Variants in CNTNAP2 observed in about 807,000 individuals in gnomAD.
CNTNAP2 encodes contactin-associated protein-like 2.
Under a neutral mutation model 155.2 loss-of-function variants are expected in CNTNAP2, and 98 were observed. That is an observed-to-expected ratio of 0.63 (90% CI 0.54 to 0.75). CNTNAP2 has a LOEUF of 0.75. CNTNAP2 is among the 30% of genes least tolerant of loss of function. The pLI is 0.00. For synonymous variants in CNTNAP2, 651 were observed against 631.2 expected (o/e 1.03, Z -0.47); for missense variants, 1,727 against 1,688.1 (o/e 1.02, Z -0.40).
intron 1 of CNTNAP2, among the ~76,000 whole-genome samples, chr7:146,290,682 T>C (rs951827174): frequency 6.6e-6 from 1 of 152,196 alleles, no homozygotes; most frequent in African/African-American, 2.4e-5. Flanking sequence ...CAGAAAAAAC[T>C]AGATCGAAAC....
chr7:147,370,147 G>A (rs1741888180), intron 9 of CNTNAP2, among the ~76,000 whole-genome samples: 4 of 90,786 alleles, frequency 4.4e-5, no homozygotes, highest in Admixed American at 2.1e-4. Context: ...GCATGAGAGT[G>A]TGTGCGATTT....
chr7:147,404,788 C>A (rs1422055580), intron 10 of CNTNAP2, among the ~76,000 whole-genome samples: 8 of 152,056 alleles, frequency 5.3e-5, no homozygotes, highest in African/African-American at 1.9e-4. Flanking sequence ...AGCTCAATGA[C>A]CTAAAAGTAT....
chr7:147,384,941 T>G (rs775115911), intron 9 of CNTNAP2, among the ~76,000 whole-genome samples: 2 of 152,110 alleles, frequency 1.3e-5, no homozygotes, highest in Non-Finnish European at 2.9e-5. Flanking sequence ...ACTGAGCAAT[T>G]TACAAAAGAA....
intron 13 of CNTNAP2, among the ~76,000 whole-genome samples, chr7:147,762,196 G>A (rs1221442149): frequency 8.5e-6 from 1 of 117,686 alleles, no homozygotes; most frequent in African/African-American, 3.7e-5. Context: ...CACCATTCGG[G>A]TCAACAGAAA....
intron 1 of CNTNAP2, among the ~76,000 whole-genome samples, chr7:146,643,015 T>C (rs1347635553): frequency 3.5e-5 from 5 of 143,730 alleles, no homozygotes; most frequent in African/African-American, 1.3e-4. Context: ...TTTTTGTTTT[T>C]TTCTTGTAAA....
rs1795439990 is a variant in CNTNAP2 at position 147,650,881 on chromosome 7, T to G, written c.2098+11575T>G. ...CATTTTGTATAAGACTTATAAATACTGAAAAAATCTTAACTAGTATGTCCA... is the reference window on the plus strand; with the variant it reads ...CATTTTGTATAAGACTTATAAATACGGAAAAAATCTTAACTAGTATGTCCA... On this transcript the variant is annotated intron_variant, in intron 13 of 23. Coordinates refer to ENST00000361727, the MANE Select transcript of CNTNAP2 (RefSeq NM_014141.6). 5.3e-5 allele frequency among the ~76,000 whole-genome samples: 8 copies of G among 152,282 alleles called. No individual in the cohort carries two copies. In the South Asian group the frequency reaches 1.7e-3, roughly 32 times the overall value.
intron 1 of CNTNAP2, among the ~76,000 whole-genome samples, chr7:146,412,851 A>G (rs1379011809): frequency 6.6e-6 from 1 of 152,214 alleles, no homozygotes; most frequent in Non-Finnish European, 1.5e-5. Flanking sequence ...GTTTCAGTTT[A>G]GTCACAGAGT....
chr7:147,802,153 A>C (rs1303908876), intron 13 of CNTNAP2, among the ~76,000 whole-genome samples: 1 of 149,090 alleles, frequency 6.7e-6, no homozygotes, highest in Non-Finnish European at 1.5e-5. Context: ...GCGGCCGGGC[A>C]GAGGCGCTCC....
chr7:148,139,777 A>G (rs2906309), intron 16 of CNTNAP2, among the ~76,000 whole-genome samples: 73,402 of 151,868 alleles, frequency 0.48, 18,561 homozygotes, highest in African/African-American at 0.63. Flanking sequence ...CTGACCTCAT[A>G]AGCCACCCGC....
At chr7:147,973,610 A>T (rs1801375130) in intron 14 of CNTNAP2, among the ~76,000 whole-genome samples, 1 of 152,226 alleles carries the variant, frequency 6.6e-6, no homozygotes, top group African/African-American at 2.4e-5. Flanking sequence ...GATATCTTTG[A>T]ATTTATGACT....
chr7:147,377,374 T>C (rs1796453441), intron 9 of CNTNAP2, among the ~76,000 whole-genome samples: 1 of 151,952 alleles, frequency 6.6e-6, no homozygotes, highest in Non-Finnish European at 1.5e-5. Flanking sequence ...CTTTTTGTCC[T>C]GAGTTTTAGT....
intron 15 of CNTNAP2, among the ~76,000 whole-genome samples, chr7:148,009,424 G>C (rs893904740): frequency 1.3e-5 from 2 of 152,152 alleles, no homozygotes; most frequent in Non-Finnish European, 2.9e-5. Flanking sequence ...TTCATCTGTA[G>C]TGTTTTTGGA....
At chr7:146,677,325 G>C (rs1450668981) in intron 1 of CNTNAP2, among the ~76,000 whole-genome samples, 4 of 152,102 alleles carry the variant, frequency 2.6e-5, no homozygotes, top group Non-Finnish European at 5.9e-5. Context: ...TTGTGATAAG[G>C]GGTTATAGAG....
At position 148,198,379 on chromosome 7, in the gene CNTNAP2, T is replaced by C. The variant is rs143289248; in HGVS notation, c.3011-18909T>C. On this transcript the variant is annotated intron_variant, in intron 18 of 23. Coordinates refer to ENST00000361727, the MANE Select transcript of CNTNAP2 (RefSeq NM_014141.6). ...TTGTGACCATGTGACCTGTGCAATC[T>C]TTAACTCATCGAGTATCTAATGTAG... 9.2e-5 allele frequency among the ~76,000 whole-genome samples: 14 copies of C among 152,360 alleles called. No individual in the cohort carries two copies. In the East Asian group the frequency reaches 2.3e-3, roughly 25 times the overall value.
chr7:147,007,074 A>G (rs904258923), intron 3 of CNTNAP2, among the ~76,000 whole-genome samples: 1 of 152,122 alleles, frequency 6.6e-6, no homozygotes, highest in East Asian at 1.9e-4. Context: ...CTACACTAGT[A>G]CATATGTCGC....
intron 15 of CNTNAP2, among the ~76,000 whole-genome samples, chr7:147,996,087 C>G (rs1801799681): frequency 6.6e-6 from 1 of 152,202 alleles, no homozygotes; most frequent in South Asian, 2.1e-4. Context: ...CAAGGTCAAC[C>G]CTAGATTCTG....
chr7:148,169,443 T>C (rs2116686818), intron 17 of CNTNAP2, among the ~76,000 whole-genome samples: 1 of 152,280 alleles, frequency 6.6e-6, no homozygotes. Context: ...CTTAAAAGTA[T>C]GATTAACTAA....
At chr7:148,240,239 A>G (rs1031970936) in intron 20 of CNTNAP2, among the ~76,000 whole-genome samples, 2 of 152,216 alleles carry the variant, frequency 1.3e-5, no homozygotes, top group Non-Finnish European at 2.9e-5. Context: ...TCATACAGGG[A>G]TGAATAAAAT....
At chr7:148,062,518 C>T (rs996531882) in intron 15 of CNTNAP2, among the ~76,000 whole-genome samples, 2 of 151,838 alleles carry the variant, frequency 1.3e-5, no homozygotes, top group African/African-American at 4.8e-5. Context: ...AGGTTTCCAC[C>T]AATATAATTT....
Sources: allele counts gnomAD v4.1 joint callset (sites outside exome capture counted in the v4.1 genomes callset), GRCh38; gene constraint gnomAD v4.1.1; transcripts MANE v1.5; gene names NCBI Gene and HGNC (gene_info 2026-07-23, HGNC 2026-07-21).